The following BLTP1 variants were observed in gnomAD, a reference collection of about 807,000 sequenced individuals.
BLTP1 encodes the protein bridge-like lipid transfer protein family member 1, also known as fragile site-associated protein.
chr4:122,299,882 T>A, the BLTP1 span: 1 of 984,852 alleles, frequency 1.0e-6, no homozygotes, highest in South Asian at 4.7e-5. Flanking sequence ...GTAATCTGTA[T>A]GCTGTATATT....
At chr4:122,343,652 C>T in the BLTP1 span, 2 of 1,590,910 alleles carry the variant, frequency 1.3e-6, no homozygotes, top group East Asian at 2.2e-5. Flanking sequence ...TTTACAGCAT[C>T]TTTTCAAGCT....
chr4:122,152,369 T>A, the BLTP1 span: 2 of 985,774 alleles, frequency 2.0e-6, no homozygotes, highest in Non-Finnish European at 2.4e-6. Flanking sequence ...CCTCCCCTCC[T>A]CCTCCGCCCC....
At chr4:122,316,908 G>T in the BLTP1 span, 1 of 1,312,440 alleles carries the variant, frequency 7.6e-7, no homozygotes, top group African/African-American at 1.5e-5. Flanking sequence ...CCTAATTTTA[G>T]AATCATAAGA....
the BLTP1 span, chr4:122,234,331 T>A: frequency 7.1e-5 from 14 of 197,532 alleles, no homozygotes; most frequent in Non-Finnish European, 1.0e-4. Context: ...TTTCAGTGTT[T>A]TAAATTTGCA....
the BLTP1 span, chr4:122,239,513 T>C: frequency 6.5e-7 from 1 of 1,549,478 alleles, no homozygotes; most frequent in Non-Finnish European, 8.8e-7. Context: ...CTTTCTGTTT[T>C]AGTATCCCTA....
the BLTP1 span, among the ~76,000 whole-genome samples, chr4:122,172,682 G>T: frequency 3.3e-5 from 5 of 152,132 alleles, no homozygotes; most frequent in African/African-American, 1.2e-4. Context: ...AATAACTTGG[G>T]AATGAACTTG....
At chr4:122,282,877 AT>A in the BLTP1 span, among the ~76,000 whole-genome samples, 2 of 152,006 alleles carry the variant, frequency 1.3e-5, no homozygotes, top group Non-Finnish European at 2.9e-5. Flanking sequence ...ATGCCAGTTG[AT>A]GGTTCTTTTT....
the BLTP1 span, chr4:122,198,313 G>A: frequency 3.0e-6 from 3 of 985,198 alleles, no homozygotes; most frequent in Non-Finnish European, 3.6e-6. Context: ...TTCTCTAGGA[G>A]TGCTAATTCA....
chr4:122,312,894 T>C, the BLTP1 span: 1 of 865,274 alleles, frequency 1.2e-6, no homozygotes, highest in African/African-American at 1.8e-5. Context: ...GGAGTTTAAA[T>C]TGATATTTAG....
the BLTP1 span, among the ~76,000 whole-genome samples, chr4:122,333,263 C>T: frequency 3.7e-5 from 2 of 54,602 alleles, no homozygotes; most frequent in African/African-American, 7.3e-5. Context: ...TAAAAGTGTT[C>T]CTATTTCTCC....
chr4:122,359,072 G>T, the BLTP1 span, among the ~76,000 whole-genome samples: 1 of 148,522 alleles, frequency 6.7e-6, no homozygotes, highest in African/African-American at 2.5e-5. Context: ...ATATCTCAAA[G>T]CTGTTAAAAA....
chr4:122,329,070 C>G, the BLTP1 span, among the ~76,000 whole-genome samples: 2 of 151,686 alleles, frequency 1.3e-5, no homozygotes, highest in Admixed American at 1.3e-4. Flanking sequence ...TAGACTGAAG[C>G]CACTGACTGC....
chr4:122,246,657 G>T, the BLTP1 span: 1 of 1,596,140 alleles, frequency 6.3e-7, no homozygotes, highest in South Asian at 1.1e-5. Context: ...TCACTTGTCA[G>T]TTCTGAAATT....
At chr4:122,332,528 C>A in the BLTP1 span, among the ~76,000 whole-genome samples, 1 of 151,740 alleles carries the variant, frequency 6.6e-6, no homozygotes, top group Non-Finnish European at 1.5e-5. Context: ...ATCACTCATG[C>A]AAGGCATTAA....
At chr4:122,334,241 A>G in the BLTP1 span, 2 of 1,080,634 alleles carry the variant, frequency 1.9e-6, no homozygotes, top group South Asian at 3.4e-5. Context: ...AAGTTAAAAC[A>G]GTCTTCTGAC....
chr4:122,229,715 T>TA, the BLTP1 span: 2 of 963,798 alleles, frequency 2.1e-6, no homozygotes, highest in Non-Finnish European at 2.5e-6. Flanking sequence ...TTCTCCTTTT[T>TA]AAAAAATTGT....
chr4:122,198,122 C>T, the BLTP1 span: 2 of 985,056 alleles, frequency 2.0e-6, no homozygotes, highest in African/African-American at 3.5e-5. Context: ...TGACTACGTT[C>T]ATTAGTTTAT....
the BLTP1 span, chr4:122,175,010 G>C: frequency 1.1e-6 from 1 of 929,526 alleles, no homozygotes; most frequent in Non-Finnish European, 1.3e-6. Flanking sequence ...CCTTATTAGA[G>C]ATAATAAGTT....
At chr4:122,286,876 A>C in the BLTP1 span, 29 of 1,075,890 alleles carry the variant, frequency 2.7e-5, no homozygotes, top group African/African-American at 4.6e-4. Context: ...CAAACTTTTA[A>C]GGTAAAGTCT....
Sources: allele counts gnomAD v4.1 joint callset (sites outside exome capture counted in the v4.1 genomes callset), GRCh38; gene constraint gnomAD v4.1.1; transcripts MANE v1.5; gene names NCBI Gene and HGNC (gene_info 2026-07-23, HGNC 2026-07-21).